The following ARHGAP24 variants were observed in gnomAD, a reference collection of about 807,000 sequenced individuals.
ARHGAP24 encodes the protein Rho GTPase activating protein 24.
ARHGAP24 carries 50 observed loss-of-function variants against 76.4 expected under a neutral mutation model. The ratio of observed to expected loss-of-function variants is 0.65; its 90% confidence interval spans 0.52 to 0.83. The LOEUF (loss-of-function observed/expected upper bound fraction) is 0.83. Among genes scored for constraint, ARHGAP24 ranks in the 40% least tolerant of loss-of-function variants. The pLI is 0.00. For synonymous variants in ARHGAP24, 345 were observed against 323.3 expected, an observed-to-expected ratio of 1.07 and a Z score of -0.72; for missense variants, 930 against 914.2, an observed-to-expected ratio of 1.02 and a Z score of -0.22.
chr4:85,786,833 G>C (rs1003723090), intron 3 of ARHGAP24, among the ~76,000 whole-genome samples: 1 of 152,212 alleles, frequency 6.6e-6, no homozygotes, highest in Non-Finnish European at 1.5e-5. Flanking sequence ...GCCACATGCA[G>C]GTGGTTTTTC....
intron 3 of ARHGAP24, among the ~76,000 whole-genome samples, chr4:85,734,659 T>TA (rs58315168): frequency 6.8e-6 from 1 of 147,306 alleles, no homozygotes; most frequent in African/African-American, 2.5e-5. Context: ...TTTTTTTTTT[T>TA]AGCAGCAATC....
chr4:85,881,602 T>A (rs1251870368), intron 3 of ARHGAP24, among the ~76,000 whole-genome samples: 1 of 150,266 alleles, frequency 6.7e-6, no homozygotes, highest in Non-Finnish European at 1.5e-5. Context: ...TTAGCGATGC[T>A]TGTCATGCTT....
At chr4:85,716,875 T>C (rs1296132176) in intron 2 of ARHGAP24, among the ~76,000 whole-genome samples, 1 of 152,114 alleles carries the variant, frequency 6.6e-6, no homozygotes, top group Non-Finnish European at 1.5e-5. Flanking sequence ...TAGGACCATG[T>C]TGCAGCTAGC....
intron 2 of ARHGAP24, among the ~76,000 whole-genome samples, chr4:85,626,143 T>A (rs1037467167): frequency 1.2e-4 from 18 of 152,236 alleles, no homozygotes; most frequent in Non-Finnish European, 2.5e-4. Flanking sequence ...TGCTCATTAG[T>A]TGATGCAGTT....
intron 3 of ARHGAP24, among the ~76,000 whole-genome samples, chr4:85,742,016 A>G (rs1405057875): frequency 2.0e-5 from 3 of 152,222 alleles, no homozygotes; most frequent in African/African-American, 7.2e-5. Context: ...TCTATTTGCC[A>G]GAGTGGGGGA....
At position 85,956,881 on chromosome 4, in the gene ARHGAP24, TAG is replaced by T. The variant is rs1737945042; in HGVS notation, c.599+14611_599+14612del. On this transcript the variant is annotated intron_variant, in intron 5 of 9. Coordinates refer to ENST00000395184, the MANE Select transcript of ARHGAP24 (RefSeq NM_001025616.3). ...AAGAGAGTGCAGTTGCAAGATTTAA[TAG>T]AGTGAAAACAGAGCTCCCATACAAA... is the stretch of plus-strand genomic sequence containing the variant. Among the ~76,000 whole-genome samples the T allele has an allele frequency of 2.0e-5, 3 of 152,124 alleles. No homozygotes were observed. The South Asian group carries it at 6.2e-4, about 32-fold the overall frequency.
At position 85,592,180 on chromosome 4, in the gene ARHGAP24, T is replaced by A. The variant is rs563304609; in HGVS notation, c.180+21459T>A. Among the ~76,000 whole-genome samples the A allele has an allele frequency of 1.2e-4, 18 of 152,308 alleles. No individual in the cohort carries two copies. In the South Asian group the frequency reaches 3.7e-3, roughly 32 times the overall value. On this transcript the variant is annotated intron_variant, in intron 2 of 9. Transcript: ENST00000395184. ...CTAACTTTTAATTTTTGTGGGTGCATAGTAGAAATATAGATTTATAGGGTA... is the reference window on the plus strand; with the variant it reads ...CTAACTTTTAATTTTTGTGGGTGCAAAGTAGAAATATAGATTTATAGGGTA...
chr4:85,816,807 G>A (rs899178185), intron 3 of ARHGAP24, among the ~76,000 whole-genome samples: 3 of 152,100 alleles, frequency 2.0e-5, no homozygotes, highest in African/African-American at 7.2e-5. Context: ...GGGCCAAATG[G>A]TAATTCTATT....
intron 2 of ARHGAP24, among the ~76,000 whole-genome samples, chr4:85,721,580 C>T (rs79077635): frequency 0.015 from 2,230 of 152,010 alleles, 46 homozygotes; most frequent in African/African-American, 0.05. Context: ...TAATATGGTG[C>T]GGGTAGAATG....
chr4:85,562,815 A>G (rs929937229), intron 1 of ARHGAP24, among the ~76,000 whole-genome samples: 16 of 152,206 alleles, frequency 1.1e-4, no homozygotes, highest in Admixed American at 4.6e-4. Context: ...CTTGAAGGCA[A>G]CAATAGGCTT....
intron 3 of ARHGAP24, among the ~76,000 whole-genome samples, chr4:85,793,769 C>T (rs1728227378): frequency 6.6e-6 from 1 of 152,300 alleles, no homozygotes; most frequent in Non-Finnish European, 1.5e-5. Flanking sequence ...TACTTATCCA[C>T]TGCTCATGGC....
Position 85,984,908 on chromosome 4 carries a change from A to AC in ARHGAP24, c.928+7219dup, listed in dbSNP as rs1418285888. On this transcript the variant is annotated intron_variant, in intron 8 of 9. Coordinates refer to ENST00000395184, the MANE Select transcript of ARHGAP24 (RefSeq NM_001025616.3). Reference sequence around the variant, plus strand: ...TGCAATCTCGGACACAGCAACCTCCACCTCCCAGGTTCAAGTGGTTCTCCT... The same window carrying AC: ...TGCAATCTCGGACACAGCAACCTCCACCCTCCCAGGTTCAAGTGGTTCTCCT... 1.1e-4 allele frequency among the ~76,000 whole-genome samples: 17 copies of AC among 151,902 alleles called. No homozygotes were observed. In the South Asian group the frequency reaches 3.5e-3, roughly 32 times the overall value.
At chr4:85,580,119 T>C (rs1170284742) in intron 2 of ARHGAP24, among the ~76,000 whole-genome samples, 1 of 151,196 alleles carries the variant, frequency 6.6e-6, no homozygotes, top group Non-Finnish European at 1.5e-5. Flanking sequence ...ACCCTGTGTA[T>C]GTGTTTGTGT....
At chr4:85,885,993 A>C (rs1228234222) in intron 3 of ARHGAP24, among the ~76,000 whole-genome samples, 1 of 152,200 alleles carries the variant, frequency 6.6e-6, no homozygotes, top group African/African-American at 2.4e-5. Flanking sequence ...CAATGAAGAT[A>C]ACTATTAATT....
At chr4:85,894,035 C>T (rs1286616716) in intron 3 of ARHGAP24, among the ~76,000 whole-genome samples, 3 of 138,792 alleles carry the variant, frequency 2.2e-5, no homozygotes, top group South Asian at 2.4e-4. Flanking sequence ...ACCAGCATGG[C>T]ACATGTATAC....
At position 85,703,833 on chromosome 4, in the gene ARHGAP24, G is replaced by A. The variant is rs1724195507; in HGVS notation, c.181-18052G>A. On this transcript the variant is annotated intron_variant, in intron 2 of 9. Coordinates refer to ENST00000395184, the MANE Select transcript of ARHGAP24 (RefSeq NM_001025616.3). Reference sequence around the variant, plus strand: ...CTACATTTTTAAAGTCAGGTTTATTGAGGTATAATTTACATAGAGTTATGT... The same window carrying A: ...CTACATTTTTAAAGTCAGGTTTATTAAGGTATAATTTACATAGAGTTATGT... Among the ~76,000 whole-genome samples the A allele has an allele frequency of 3.3e-5, 5 of 152,002 alleles. No individual in the cohort carries two copies. The South Asian group carries it at 1.0e-3, about 32-fold the overall frequency.
At chr4:85,813,657 C>A (rs2110115602) in intron 3 of ARHGAP24, among the ~76,000 whole-genome samples, 1 of 151,690 alleles carries the variant, frequency 6.6e-6, no homozygotes, top group African/African-American at 2.4e-5. Context: ...TTCTTCCCCC[C>A]ACTGCCAGCT....
chr4:85,703,895 T>TAC (rs1281391525), intron 2 of ARHGAP24, among the ~76,000 whole-genome samples: 2 of 152,106 alleles, frequency 1.3e-5, no homozygotes, highest in African/African-American at 4.8e-5. Context: ...ACAGTTATGC[T>TAC]ACCCCCAAAA....
intron 5 of ARHGAP24, among the ~76,000 whole-genome samples, chr4:85,964,677 A>C (rs1412383119): frequency 6.6e-6 from 1 of 152,096 alleles, no homozygotes; most frequent in Non-Finnish European, 1.5e-5. Context: ...AAAATTAATA[A>C]ATATCCATAA....
Sources: gnomAD v4.1 joint callset for allele counts (sites outside exome capture counted in the v4.1 genomes callset) on GRCh38, gnomAD v4.1.1 for gene constraint, MANE v1.5 for transcripts, NCBI Gene and HGNC (gene_info 2026-07-23, HGNC 2026-07-21) for gene names.